The following TBC1D17 variants were observed in gnomAD, a reference collection of about 807,000 sequenced individuals.
TBC1D17 encodes the protein TBC1 domain family, member 17.
A neutral mutation model predicts 78.8 loss-of-function variants in TBC1D17; 69 were observed. That is an observed-to-expected ratio of 0.88 (90% CI 0.72 to 1.07). The LOEUF (loss-of-function observed/expected upper bound fraction) is 1.07. TBC1D17 is among the 50% of genes least tolerant of loss of function. The pLI, the probability that TBC1D17 is intolerant of heterozygous loss-of-function variation, is 0.00. For synonymous variants in TBC1D17, 456 were observed against 358.3 expected (o/e 1.27, Z -3.08); for missense variants, 957 against 861.0 (o/e 1.11, Z -1.39).
In TBC1D17 at chr19:49,883,088, G is replaced by A. The variant is rs1185918148; in HGVS notation, c.1031+12G>A. On this transcript the variant is annotated intron_variant, in intron 9 of 16. Transcript: ENST00000221543. The stretch of plus-strand genomic sequence containing the variant: ...ATACGCAAGAAAACGTGAGTTCTCA[G>A]GAGGCCCTGCCCTGCCAGGCATGAC... 3.8e-6 allele frequency: 6 copies of A among 1,595,992 alleles called. No individual in the cohort carries two copies. The highest frequency in any genetic ancestry group is 5.1e-6 in the Non-Finnish European group (6 of 1,169,416).
chr19:49,881,939 G>T, intron 5 of TBC1D17, 102 bp from the exon 6 acceptor site: 1 of 1,018,786 alleles, frequency 9.8e-7, no homozygotes. Context: ...CCCAGGGGTG[G>T]TTGGGACGCT....
At chr19:49,884,166 A>T (rs2075039121) in intron 10 of TBC1D17, 87 bp from the exon 11 acceptor site, 5 of 1,200,136 alleles carry the variant, frequency 4.2e-6, no homozygotes, top group East Asian at 4.7e-5. Context: ...TGCCAGCAGG[A>T]GGAGCAGTGG....
chr19:49,886,854 G>A (rs1382083070), intron 13 of TBC1D17: 1 of 154,150 alleles, frequency 6.5e-6, no homozygotes, highest in Non-Finnish European at 1.4e-5. Flanking sequence ...GGAGTGCAGT[G>A]GTGTGATCTC....
At chr19:49,888,102 A>G in intron 15 of TBC1D17, 129 bp from the exon 16 acceptor site, 5 of 1,427,738 alleles carry the variant, frequency 3.5e-6, no homozygotes, top group Non-Finnish European at 4.8e-6. Flanking sequence ...TGTCTCGCCC[A>G]GCGCACTTCT....
chr19:49,883,198 G>A, intron 9 of TBC1D17, 122 bp downstream of exon 9: 2 of 846,950 alleles, frequency 2.4e-6, no homozygotes, highest in Admixed American at 5.5e-5. Flanking sequence ...TCCTGCGCCT[G>A]TGGAATACGG....
Position 49,882,099 on chromosome 19 carries a change from A to C in TBC1D17, c.586A>C (p.Asn196His). 1 of 1,613,790 alleles carries C rather than the reference A, an allele frequency of 6.2e-7. No homozygotes were observed. The highest frequency in any genetic ancestry group is 8.5e-7 in the Non-Finnish European group (1 of 1,179,940). ...VFPHDSSALS[N>H]SFHHLQLFDQ... ...CCCCCACGACTCCTCTGCTCTCTCCAACTCCTTCCACCACCTGCAGCTCTT... is the reference window on the plus strand; with the variant it reads ...CCCCCACGACTCCTCTGCTCTCTCCCACTCCTTCCACCACCTGCAGCTCTT... Residue 196 changes from asparagine to histidine, a missense_variant, in exon 6 of 17, where the codon AAC becomes CAC. Coordinates refer to ENST00000221543, the MANE Select transcript of TBC1D17 (RefSeq NM_024682.3).
At chr19:49,881,161 C>T (rs2075008996) in intron 4 of TBC1D17, 107 bp from the exon 5 acceptor site, 13 of 932,916 alleles carry the variant, frequency 1.4e-5, no homozygotes, top group South Asian at 5.2e-5. Context: ...TGGCTTGTGG[C>T]GGGGCCCTCA....
rs761585391 is a variant in TBC1D17 at position 49,882,131 on chromosome 19, G to A, written c.618G>A (p.Gln206=). The A allele has an allele frequency of 6.2e-6, 10 of 1,614,104 alleles. No homozygotes were observed. Among genetic ancestry groups the A allele is most frequent in the Non-Finnish European group, 7.6e-6 (9 of 1,180,006 alleles). The stretch of plus-strand genomic sequence containing the variant: ...TCCACCACCTGCAGCTCTTTGACCA[G>A]GACAGCTCCAATGTGGTGTCAGTGA... ...NSFHHLQLFD[Q]DSSNVVSRFL... The change falls in exon 6 of 17, where the codon CAG becomes CAA. Residue 206 remains glutamine (Q), a synonymous_variant. Transcript: ENST00000221543.
In TBC1D17 at chr19:49,878,525, C is replaced by T; in HGVS notation, c.148C>T (p.Pro50Ser). The T allele has an allele frequency of 6.2e-7, 1 of 1,614,148 alleles. No homozygotes were observed. The highest frequency in any genetic ancestry group is 8.5e-7 in the Non-Finnish European group (1 of 1,180,002). Residue 50 changes from proline to serine, a missense_variant, in exon 3 of 17, where the codon CCT becomes TCT. Transcript: ENST00000221543. ...CAATGACGTCCTCCTGCACTGGGCT[C>T]CTGTAGAGGAGGCTGGAGATTCCAC... ...KDNDVLLHWA[P>S]VEEAGDSTQI...
At position 49,882,833 on chromosome 19, in the gene TBC1D17, G is replaced by A. The variant is rs141271222; in HGVS notation, c.868G>A (p.Val290Met). 264 of 1,611,276 alleles carry A rather than the reference G, an allele frequency of 1.6e-4. No individual in the cohort carries two copies. The African/African-American group carries it at 2.2e-3, about 13-fold the overall frequency. The change falls in exon 8 of 17, where the codon GTG (valine) becomes ATG (methionine). Residue 290 changes from valine (V) to methionine (M), a missense_variant. Val to Met is a conservative substitution (Grantham distance 21, BLOSUM62 1). Transcript: ENST00000221543. ...TACAGAGGAGGAGTGGGCACGCCAC[G>A]TGGGCCCTGAAGGTCGCCTGCAGCA... Reference protein sequence around the residue: ...PVTEEEWARHVGPEGRLQQVP... With the variant: ...PVTEEEWARHMGPEGRLQQVP...
rs1257525835 is a variant in TBC1D17, at chr19:49,878,572, G to A, written c.195G>A (p.Lys65=). 1 of 1,613,910 alleles carries A rather than the reference G, an allele frequency of 6.2e-7. No individual in the cohort carries two copies. The highest frequency in any genetic ancestry group is 1.3e-5 in the African/African-American group (1 of 74,912). ...CCACCCAAATCCTCTTCTCCAAGAA[G>A]GTAGGCTCCACCCGCTTTGCCCTTC... ...GDSTQILFSK[K]DSSGGDSCAS... Residue 65 remains lysine, a splice_region_variant and synonymous_variant, in exon 3 of 17, where the codon AAG becomes AAA. Transcript: ENST00000221543.
At chr19:49,887,436 G>A in intron 13 of TBC1D17, 40 bp from the exon 14 acceptor site, 1 of 1,595,134 alleles carries the variant, frequency 6.3e-7, no homozygotes, top group Non-Finnish European at 8.6e-7. Flanking sequence ...CTCAGTCCCA[G>A]CGCTGGGCAA....
intron 14 of TBC1D17, 62 bp from the exon 15 acceptor site, chr19:49,887,656 G>A (rs1285931330): frequency 8.1e-6 from 13 of 1,609,388 alleles, no homozygotes; most frequent in Middle Eastern, 1.7e-4. Context: ...ACAGACCCTG[G>A]TGGGACCTCA....
At position 49,878,519 on chromosome 19, in the gene TBC1D17, T is replaced by A; in HGVS notation, c.142T>A (p.Trp48Arg). The A allele has an allele frequency of 6.2e-7, 1 of 1,614,166 alleles. No individual in the cohort carries two copies. The change falls in exon 3 of 17, where the codon TGG (tryptophan) becomes AGG (arginine). Residue 48 changes from tryptophan (W) to arginine (R), a missense_variant. Transcript: ENST00000221543. ...CTAGGACAATGACGTCCTCCTGCACTGGGCTCCTGTAGAGGAGGCTGGAGA... is the reference window on the plus strand; with the variant it reads ...CTAGGACAATGACGTCCTCCTGCACAGGGCTCCTGTAGAGGAGGCTGGAGA... Reference protein sequence around the residue: ...VEKDNDVLLHWAPVEEAGDST... With the variant: ...VEKDNDVLLHRAPVEEAGDST...
chr19:49,878,805 G>A (rs1245804440), intron 3 of TBC1D17: 1 of 528,240 alleles, frequency 1.9e-6, no homozygotes, highest in Non-Finnish European at 3.4e-6. Context: ...GGGGACGGCT[G>A]ACCCCTCTCT....
rs764932412 is a variant in TBC1D17 at position 49,887,739 on chromosome 19, G to A, written c.1564G>A (p.Gly522Ser). The A allele has an allele frequency of 6.2e-7, 1 of 1,613,860 alleles. No homozygotes were observed. Among genetic ancestry groups the A allele is most frequent in the Non-Finnish European group, 8.5e-7 (1 of 1,179,958 alleles). Residue 522 changes from glycine to serine, a missense_variant, in exon 15 of 17, where the codon GGC becomes AGC. Physicochemically the swap from Gly to Ser is moderately conservative, Grantham distance 56 (BLOSUM62 0). Coordinates refer to ENST00000221543, the MANE Select transcript of TBC1D17 (RefSeq NM_024682.3). ...TCAGGTGCTGTGGACAGGGCTCCCTGGCCCCAATCTGCACCTGCTGGTGGC... is the reference window on the plus strand; with the variant it reads ...TCAGGTGCTGTGGACAGGGCTCCCTAGCCCCAATCTGCACCTGCTGGTGGC... ...LWEVLWTGLP[G>S]PNLHLLVACA...
At chr19:49,886,125 C>G (rs1296743136) in intron 13 of TBC1D17, among the ~76,000 whole-genome samples, 3 of 151,232 alleles carry the variant, frequency 2.0e-5, no homozygotes, top group African/African-American at 4.9e-5. Flanking sequence ...ACTAAAAATA[C>G]AAAAATTAGC....
chr19:49,878,810 C>T, intron 3 of TBC1D17: 1 of 515,466 alleles, frequency 1.9e-6, no homozygotes, highest in Non-Finnish European at 3.5e-6. Flanking sequence ...CGGCTGACCC[C>T]TCTCTCCCTT....
In TBC1D17 at chr19:49,888,463, C is replaced by T. The variant is rs774413095; in HGVS notation, c.1786C>T (p.Pro596Ser). The change falls in exon 17 of 17, where the codon CCG becomes TCG. Residue 596 changes from proline (P) to serine (S), a missense_variant. By Grantham distance (74) the Pro-to-Ser change is moderately conservative (BLOSUM62 -1). Transcript: ENST00000221543. ...CGTGCAGGAGATCCTGGGGCTGGCC[C>T]CGCCCGCAGAGCCCCACAGCCCCTC... ...HNVQEILGLA[P>S]PAEPHSPSPT... The T allele has an allele frequency of 1.4e-5, 23 of 1,598,384 alleles. No homozygotes were observed. Among genetic ancestry groups the T allele is most frequent in the Non-Finnish European group, 2.0e-5 (23 of 1,176,754 alleles).
Sources: gnomAD v4.1 joint callset for allele counts (sites outside exome capture counted in the v4.1 genomes callset) on GRCh38, gnomAD v4.1.1 for gene constraint, MANE v1.5 for transcripts, NCBI Gene and HGNC (gene_info 2026-07-23, HGNC 2026-07-21) for gene names.